MECOM: variants seen among roughly 807,000 people sequenced by gnomAD.
MECOM encodes histone-lysine N-methyltransferase MECOM.
In MECOM, 13 loss-of-function variants were observed where a neutral mutation model predicts 116.3. That is an observed-to-expected ratio of 0.11 (90% CI 0.07 to 0.18). The LOEUF (loss-of-function observed/expected upper bound fraction) is 0.18. MECOM is among the 10% of genes least tolerant of loss of function. The pLI is 1.00. For synonymous variants in MECOM, 528 were observed against 535.2 expected, an observed-to-expected ratio of 0.99 and a Z score of 0.19; for missense variants, 1,299 against 1,509.0, an observed-to-expected ratio of 0.86 and a Z score of 2.31.
At chr3:169,587,426 AACACACACACACACACACACACAC>A (rs3980637) in intron 1 of MECOM, among the ~76,000 whole-genome samples, 68 of 141,086 alleles carry the variant, frequency 4.8e-4, no homozygotes, top group African/African-American at 1.7e-3. Context: ...CCCACACGCC[AACACACACACACACACACACACAC>A]ACACACACAC....
chr3:169,581,663 G>A (rs1212424866), intron 1 of MECOM, among the ~76,000 whole-genome samples: 1 of 152,138 alleles, frequency 6.6e-6, no homozygotes, highest in Admixed American at 6.5e-5. Flanking sequence ...TTGAATGTCT[G>A]GGGAGCTGGA....
intron 2 of MECOM, among the ~76,000 whole-genome samples, chr3:169,223,968 A>G (rs1344753714): frequency 3.3e-5 from 5 of 152,120 alleles, no homozygotes; most frequent in Non-Finnish European, 5.9e-5. Flanking sequence ...ATTAAACCCC[A>G]AAAGCTCTTC....
At chr3:169,412,559 T>A (rs1238165660) in intron 1 of MECOM, among the ~76,000 whole-genome samples, 1 of 152,016 alleles carries the variant, frequency 6.6e-6, no homozygotes, top group African/African-American at 2.4e-5. Context: ...ATTTTCCCCC[T>A]ACAGCTGACA....
In MECOM at chr3:169,472,618, A is replaced by G. The variant is rs143947001; in HGVS notation, c.38-91094T>C. Among the ~76,000 whole-genome samples the G allele has an allele frequency of 2.6e-3, 174 of 67,278 alleles. 17 individuals are homozygous for G. Among genetic ancestry groups the G allele is most frequent in the East Asian group, 0.012 (29 of 2,338 alleles). The allele number at this position is 67,278 out of a possible 152,430, so 44.1% of individuals were successfully genotyped here. A position where few individuals can be genotyped will look rare whatever the true frequency, so the allele number is the denominator to read the frequency against. ...GAAAGGAAAGGAAAGGAAAGGAAAG[A>G]AAAGAAAAGAAAAGAAAAGGAAAGG... On this transcript the variant is annotated intron_variant, in intron 1 of 16. Transcript: ENST00000651503.
At chr3:169,463,898 T>A (rs902971964) in intron 1 of MECOM, 1 of 152,170 alleles carries the variant, frequency 6.6e-6, no homozygotes, top group Non-Finnish European at 1.5e-5. Context: ...GAACTAAAAG[T>A]ACGACTGCAA....
At position 169,308,167 on chromosome 3, in the gene MECOM, C is replaced by T. The variant is rs553190559; in HGVS notation, c.375+73020G>A. ...GTGTTGACTTGTTCCCTAATTGTCT[C>T]TTTTACTAGATGATAAACTCCAGGA... On this transcript the variant is annotated intron_variant, in intron 2 of 16. Coordinates refer to ENST00000651503, the MANE Select transcript of MECOM (RefSeq NM_004991.4). Among the ~76,000 whole-genome samples the T allele has an allele frequency of 5.9e-5, 9 of 152,084 alleles. No homozygotes were observed. The South Asian group carries it at 8.3e-4, about 14-fold the overall frequency.
chr3:169,363,369 A>G (rs956892962), intron 2 of MECOM, among the ~76,000 whole-genome samples: 3 of 151,978 alleles, frequency 2.0e-5, no homozygotes, highest in Admixed American at 1.3e-4. Context: ...TCAGATTGAT[A>G]TAATTTCTCT....
At chr3:169,235,140 CTT>C (rs1753877901) in intron 2 of MECOM, among the ~76,000 whole-genome samples, 2 of 152,164 alleles carry the variant, frequency 1.3e-5, no homozygotes, top group Admixed American at 1.3e-4. Flanking sequence ...AGACTAAACT[CTT>C]ATTGACTTGC....
At chr3:169,250,969 A>G (rs1259742141) in intron 2 of MECOM, among the ~76,000 whole-genome samples, 1 of 152,212 alleles carries the variant, frequency 6.6e-6, no homozygotes, top group Non-Finnish European at 1.5e-5. Context: ...TAAATTTGCT[A>G]AAATGTTGAA....
intron 6 of MECOM, among the ~76,000 whole-genome samples, chr3:169,121,669 T>G (rs1731073724): frequency 6.6e-6 from 1 of 152,182 alleles, no homozygotes; most frequent in Non-Finnish European, 1.5e-5. Context: ...ACTCTTTCAG[T>G]GAGTTACTAG....
intron 1 of MECOM, among the ~76,000 whole-genome samples, chr3:169,539,360 T>C (rs1488403724): frequency 6.6e-6 from 1 of 152,144 alleles, no homozygotes; most frequent in Non-Finnish European, 1.5e-5. Flanking sequence ...TTCTAAAATT[T>C]CCTTTGAACC....
intron 14 of MECOM, among the ~76,000 whole-genome samples, chr3:169,090,830 T>A (rs767613939): frequency 6.6e-6 from 1 of 152,032 alleles, no homozygotes; most frequent in Admixed American, 6.6e-5. Flanking sequence ...ATTTTCAAAT[T>A]ATTTTTTACA....
chr3:169,218,056 T>C (rs1205502070), intron 2 of MECOM, among the ~76,000 whole-genome samples: 2 of 151,926 alleles, frequency 1.3e-5, no homozygotes, highest in Non-Finnish European at 2.9e-5. Context: ...TTGACTACTA[T>C]AAATCATGTA....
At chr3:169,633,636 A>T (rs758359350) in intron 1 of MECOM, among the ~76,000 whole-genome samples, 1 of 152,032 alleles carries the variant, frequency 6.6e-6, no homozygotes, top group African/African-American at 2.4e-5. Flanking sequence ...TGTGTCGATC[A>T]ACCACTGGAA....
At chr3:169,175,396 C>T (rs1381278098) in intron 2 of MECOM, among the ~76,000 whole-genome samples, 1 of 152,086 alleles carries the variant, frequency 6.6e-6, no homozygotes, top group Non-Finnish European at 1.5e-5. Flanking sequence ...TGCCTGCAAA[C>T]TTTGTTTCAT....
rs1219362777 is a variant in MECOM at position 169,116,208 on chromosome 3, T to C, written c.1664A>G (p.Lys555Arg). ...LSKHPSVGDN[K>R]PVELQPERSS... is the part of the protein sequence containing the mutation. ...CCTCTCGGGCTGGAGCTCCACTGGC[T>C]TATTGTCCCCTACAGATGGGTGTTT... Residue 555 changes from lysine (K) to arginine (R), a missense_variant, in exon 8 of 17, where the codon AAG becomes AGG. Physicochemically the swap from Lys to Arg is conservative, Grantham distance 26. Transcript: ENST00000651503. 6.2e-7 allele frequency: 1 copy of C among 1,614,038 alleles called. No individual in the cohort carries two copies. Among genetic ancestry groups the C allele is most frequent in the Non-Finnish European group, 8.5e-7 (1 of 1,180,026 alleles).
At chr3:169,357,996 G>C (rs1006891356) in intron 2 of MECOM, among the ~76,000 whole-genome samples, 1 of 151,818 alleles carries the variant, frequency 6.6e-6, no homozygotes, top group East Asian at 1.9e-4. Context: ...GGAACCATGT[G>C]TTATTTTATG....
chr3:169,334,779 T>C (rs1577751689), intron 2 of MECOM, among the ~76,000 whole-genome samples: 1 of 152,180 alleles, frequency 6.6e-6, no homozygotes, highest in African/African-American at 2.4e-5. Flanking sequence ...TGTATCCCTT[T>C]GGAGCCAGTG....
chr3:169,131,217 A>T (rs1330114045), intron 4 of MECOM, among the ~76,000 whole-genome samples: 1 of 152,204 alleles, frequency 6.6e-6, no homozygotes, highest in Non-Finnish European at 1.5e-5. Context: ...TTTGACCTCC[A>T]CTTTAAGGAA....
Sources: allele counts gnomAD v4.1 joint callset (sites outside exome capture counted in the v4.1 genomes callset), GRCh38; gene constraint gnomAD v4.1.1; transcripts MANE v1.5; gene names NCBI Gene and HGNC (gene_info 2026-07-23, HGNC 2026-07-21).